Variants in GRIN2A observed in about 807,000 individuals in gnomAD.
GRIN2A encodes the protein glutamate receptor ionotropic, NMDA 2A.
In GRIN2A, 22 loss-of-function variants were observed where a neutral mutation model predicts 113.4. The ratio of observed to expected loss-of-function variants is 0.19; its 90% confidence interval spans 0.14 to 0.28. GRIN2A has a LOEUF of 0.28. Ranked by LOEUF, GRIN2A falls within the 10% of genes least tolerant of loss-of-function variation. The probability of loss-of-function intolerance (pLI) is 1.00; values close to 1 mark genes in which losing one functional copy is unlikely to be tolerated. For missense variants in GRIN2A, 1,502 were observed against 1,887.0 expected (o/e 0.80, Z 3.78); for synonymous variants, 827 against 738.4 (o/e 1.12, Z -1.94).
rs1048247824 is a variant in GRIN2A at position 10,167,469 on chromosome 16, T to C, written c.414+12529A>G. Among the ~76,000 whole-genome samples the C allele has an allele frequency of 2.6e-5, 4 of 152,230 alleles. No individual in the cohort carries two copies. The South Asian group carries it at 8.3e-4, about 32-fold the overall frequency. On this transcript the variant is annotated intron_variant, in intron 2 of 12. Transcript: ENST00000330684. ...CAATTAACCTTTTTCAAGTCAGGGA[T>C]TGTAGTTTTCAAGTCAGGGATTGTA...
Position 10,069,082 on chromosome 16 carries a change from A to G in GRIN2A, c.414+110916T>C, listed in dbSNP as rs182420397. Among the ~76,000 whole-genome samples the G allele has an allele frequency of 4.9e-4, 74 of 152,166 alleles. 2 individuals carry two copies. The East Asian group carries it at 0.01, about 21-fold the overall frequency. ...GTTCTAGCCACCAAGATGTCATGAG[A>G]AGCCCTTAAAGGCTATTCAGAAGAG... On this transcript the variant is annotated intron_variant, in intron 2 of 12. Transcript: ENST00000330684.
chr16:9,836,529 T>G (rs1382239032), intron 7 of GRIN2A, among the ~76,000 whole-genome samples: 1 of 152,144 alleles, frequency 6.6e-6, no homozygotes, highest in African/African-American at 2.4e-5. Context: ...AGTCAGAAAA[T>G]CAAGTGGAAA....
At chr16:9,807,431 GAGAGAC>G (rs60799330) in intron 10 of GRIN2A, among the ~76,000 whole-genome samples, 43,315 of 139,952 alleles carry the variant, frequency 0.31, 7,407 homozygotes, top group African/African-American at 0.38. Flanking sequence ...CAGAGAGAAA[GAGAGAC>G]AGAGACAGAG....
chr16:10,164,340 T>G (rs1336714931), intron 2 of GRIN2A, among the ~76,000 whole-genome samples: 1 of 152,246 alleles, frequency 6.6e-6, no homozygotes, highest in East Asian at 1.9e-4. Context: ...GTCAGGGAAC[T>G]TTATTCATCT....
At chr16:9,798,819 A>C (rs957687469) in intron 10 of GRIN2A, among the ~76,000 whole-genome samples, 1 of 152,212 alleles carries the variant, frequency 6.6e-6, no homozygotes, top group Admixed American at 6.5e-5. Flanking sequence ...ATAAACCACT[A>C]AGGGGCAGAA....
intron 4 of GRIN2A, among the ~76,000 whole-genome samples, chr16:9,867,914 C>T (rs1025310123): frequency 2.0e-5 from 3 of 152,144 alleles, no homozygotes; most frequent in African/African-American, 7.2e-5. Context: ...TTCTTCTCTA[C>T]TGCCTCCGAG....
intron 3 of GRIN2A, among the ~76,000 whole-genome samples, chr16:9,925,811 C>T (rs2044452979): frequency 1.3e-5 from 2 of 152,172 alleles, no homozygotes; most frequent in African/African-American, 4.8e-5. Flanking sequence ...GTAAATAAGA[C>T]CATTAAATCT....
At chr16:9,842,605 G>A (rs1298393921) in intron 5 of GRIN2A, among the ~76,000 whole-genome samples, 1 of 152,128 alleles carries the variant, frequency 6.6e-6, no homozygotes, top group Non-Finnish European at 1.5e-5. Context: ...TATAAAAACA[G>A]ATGAGCTTAT....
At chr16:9,780,571 G>C (rs1429316865) in intron 11 of GRIN2A, among the ~76,000 whole-genome samples, 2 of 152,240 alleles carry the variant, frequency 1.3e-5, no homozygotes, top group Non-Finnish European at 2.9e-5. Context: ...CATATTGACT[G>C]GCATGGGCCA....
rs1596373664 is a variant in GRIN2A, at chr16:9,763,023, A to T, written c.*126T>A. 23 of 968,592 alleles carry T rather than the reference A, an allele frequency of 2.4e-5. No individual in the cohort carries two copies. The South Asian group carries it at 2.8e-4, about 12-fold the overall frequency. 60.0% of individuals were successfully genotyped at this position (968,592 alleles called of 1,614,324 possible). ...CGTGTGCAAAAGAGCCAACAACAAC[A>T]ACAACAAAATACCTCCCTACATCTT... On this transcript the variant is annotated 3_prime_UTR_variant, in exon 13 of 13. Transcript: ENST00000330684.
At chr16:10,137,579 G>A (rs181322433) in intron 2 of GRIN2A, among the ~76,000 whole-genome samples, 12 of 152,240 alleles carry the variant, frequency 7.9e-5, no homozygotes, top group East Asian at 3.9e-4. Flanking sequence ...GATTATTCCC[G>A]TCAGCTGGCT....
At chr16:10,154,214 A>G (rs1567337026) in intron 2 of GRIN2A, among the ~76,000 whole-genome samples, 2 of 152,102 alleles carry the variant, frequency 1.3e-5, no homozygotes, top group Non-Finnish European at 2.9e-5. Context: ...TGGGCCCACA[A>G]GTGAGGCGAT....
intron 2 of GRIN2A, among the ~76,000 whole-genome samples, chr16:9,951,207 A>G (rs1251503946): frequency 6.6e-6 from 1 of 152,134 alleles, no homozygotes; most frequent in Non-Finnish European, 1.5e-5. Context: ...CCCTGAACTA[A>G]TGCCAGGAGA....
intron 2 of GRIN2A, among the ~76,000 whole-genome samples, chr16:10,051,492 T>A (rs2047359274): frequency 6.6e-6 from 1 of 152,150 alleles, no homozygotes; most frequent in South Asian, 2.1e-4. Context: ...TTAATAAATA[T>A]TTGTTGAGTG....
chr16:10,104,837 G>C (rs1290192385), intron 2 of GRIN2A, among the ~76,000 whole-genome samples: 1 of 152,194 alleles, frequency 6.6e-6, no homozygotes, highest in African/African-American at 2.4e-5. Flanking sequence ...AAACAGGACA[G>C]GTTTCCATGT....
intron 2 of GRIN2A, among the ~76,000 whole-genome samples, chr16:10,125,988 G>A (rs2048926784): frequency 6.6e-6 from 1 of 152,054 alleles, no homozygotes; most frequent in African/African-American, 2.4e-5. Flanking sequence ...GACAGGAGGA[G>A]CCCCAGACTC....
In GRIN2A at chr16:9,755,664, A is replaced by AC. The variant is rs1900320840; in HGVS notation, c.*7484_*7485insG. 1 of 198,874 alleles carries AC rather than the reference A, an allele frequency of 5.0e-6. No individual in the cohort carries two copies. The highest frequency in any genetic ancestry group is 1.0e-5 in the Non-Finnish European group (1 of 96,016). 12.3% of individuals were successfully genotyped at this position (198,874 alleles called of 1,614,324 possible). A position where few individuals can be genotyped will look rare whatever the true frequency, so the allele number is the denominator to read the frequency against. ...AAGAAATGTGGCTTAGACCATGGAG[A>AC]GGGGGGAATGCAGGAAAGGCAGTGT... On this transcript the variant is annotated 3_prime_UTR_variant, in exon 13 of 13. Coordinates refer to ENST00000330684, the MANE Select transcript of GRIN2A (RefSeq NM_001134407.3).
chr16:10,006,869 TAA>T (rs1157278936), intron 2 of GRIN2A, among the ~76,000 whole-genome samples: 1 of 152,178 alleles, frequency 6.6e-6, no homozygotes, highest in Non-Finnish European at 1.5e-5. Flanking sequence ...CACAAAGAAG[TAA>T]AAAACATGCA....
chr16:10,152,152 C>T (rs1742856218), intron 2 of GRIN2A, among the ~76,000 whole-genome samples: 1 of 152,220 alleles, frequency 6.6e-6, no homozygotes, highest in South Asian at 2.1e-4. Flanking sequence ...GCAAAAAAAT[C>T]AAGCAGTGTA....
Sources: gnomAD v4.1 joint callset for allele counts (sites outside exome capture counted in the v4.1 genomes callset) on GRCh38, gnomAD v4.1.1 for gene constraint, MANE v1.5 for transcripts, NCBI Gene and HGNC (gene_info 2026-07-23, HGNC 2026-07-21) for gene names.